TLE1: variants seen among roughly 807,000 people sequenced by gnomAD.
TLE1 encodes the protein transducin-like enhancer protein 1.
In TLE1, 21 loss-of-function variants were observed where a neutral mutation model predicts 89.8. That is an observed-to-expected ratio of 0.23 (90% CI 0.17 to 0.34). TLE1 has a LOEUF of 0.34. Among genes scored for constraint, TLE1 ranks in the 10% least tolerant of loss-of-function variants. The probability of loss-of-function intolerance (pLI) is 1.00; values close to 1 mark genes in which losing one functional copy is unlikely to be tolerated. For synonymous variants in TLE1, 447 were observed against 407.6 expected, an observed-to-expected ratio of 1.10 and a Z score of -1.16; for missense variants, 795 against 1,031.2, an observed-to-expected ratio of 0.77 and a Z score of 3.14.
chr9:81,587,369 T>C (rs1828655100), intron 17 of TLE1, among the ~76,000 whole-genome samples: 1 of 152,126 alleles, frequency 6.6e-6, no homozygotes, highest in Admixed American at 6.5e-5. Context: ...GTGCCACAGA[T>C]CAAACACTGC....
At chr9:81,586,443 T>G (rs1424539782) in intron 17 of TLE1, among the ~76,000 whole-genome samples, 1 of 152,178 alleles carries the variant, frequency 6.6e-6, no homozygotes, top group Non-Finnish European at 1.5e-5. Flanking sequence ...TAGGCAACTG[T>G]AGCATAACGG....
chr9:81,684,225 C>T (rs1397764867), intron 4 of TLE1, among the ~76,000 whole-genome samples: 1 of 150,454 alleles, frequency 6.6e-6, no homozygotes, highest in African/African-American at 2.4e-5. Context: ...AGATGTTAGC[C>T]ACAGATCTTC....
intron 16 of TLE1, among the ~76,000 whole-genome samples, 169 bp downstream of exon 16, chr9:81,590,636 C>G (rs541537229): frequency 6.6e-6 from 1 of 152,204 alleles, no homozygotes; most frequent in Non-Finnish European, 1.5e-5. Context: ...AGACTGTAAG[C>G]CCCCCAAAGG....
intron 6 of TLE1, among the ~76,000 whole-genome samples, chr9:81,637,770 G>A (rs1047764307): frequency 6.7e-6 from 1 of 150,320 alleles, no homozygotes; most frequent in African/African-American, 2.5e-5. Context: ...CCTCATATTC[G>A]ACTTCTTGTT....
chr9:81,664,669 C>A (rs1166468678), intron 4 of TLE1, among the ~76,000 whole-genome samples: 2 of 151,908 alleles, frequency 1.3e-5, no homozygotes, highest in Non-Finnish European at 2.9e-5. Context: ...TTGAAACCAG[C>A]CTGGGCAACA....
intron 4 of TLE1, among the ~76,000 whole-genome samples, chr9:81,661,218 A>G (rs1000343864): frequency 2.0e-4 from 30 of 147,492 alleles, no homozygotes; most frequent in African/African-American, 4.7e-4. Context: ...ATATATATAT[A>G]TATCTTTTTT....
chr9:81,628,055 C>A (rs1826115945), intron 8 of TLE1, among the ~76,000 whole-genome samples: 1 of 152,058 alleles, frequency 6.6e-6, no homozygotes, highest in Non-Finnish European at 1.5e-5. Flanking sequence ...TCTGACTGTA[C>A]AAAAATTAAA....
intron 7 of TLE1, chr9:81,633,896 C>T (rs1035403489): frequency 2.2e-5 from 12 of 536,480 alleles, no homozygotes; most frequent in African/African-American, 1.7e-4. Context: ...CTAACGAGAT[C>T]GAGAAATCTA....
intron 8 of TLE1, among the ~76,000 whole-genome samples, chr9:81,625,685 T>C (rs1825808195): frequency 6.6e-6 from 1 of 152,066 alleles, no homozygotes. Context: ...ATGTTAAGAT[T>C]GGGACTCTGT....
chr9:81,596,719 CACA>C (rs1294269931), intron 14 of TLE1, among the ~76,000 whole-genome samples: 2 of 152,142 alleles, frequency 1.3e-5, no homozygotes, highest in Non-Finnish European at 2.9e-5. Flanking sequence ...GAATTTCGAA[CACA>C]GGCAAAATTC....
Position 81,670,865 on chromosome 9 carries a change from A to G in TLE1, c.234+14811T>C, listed in dbSNP as rs144598606. Among the ~76,000 whole-genome samples, 5 of 152,218 alleles carry G rather than the reference A, an allele frequency of 3.3e-5. No homozygotes were observed. The East Asian group carries it at 9.7e-4, about 29-fold the overall frequency. ...TTCGGTAGGTAAGCCATACTTAATA[A>G]ATTAGTCAAGAAATAAGGATGGGCT... On this transcript the variant is annotated intron_variant, in intron 4 of 19. Transcript: ENST00000376499.
rs528578749 is a variant in TLE1, at chr9:81,688,376, C to T, written c.-136G>A. On this transcript the variant is annotated 5_prime_UTR_variant, in exon 1 of 20. Coordinates refer to ENST00000376499, the MANE Select transcript of TLE1 (RefSeq NM_005077.5). ...AGCGCGCTGGCCACGCACGCGCGCT[C>T]CGCCGGGCGCACCGGCCACTCGGCG... The T allele has an allele frequency of 9.8e-6, 10 of 1,018,672 alleles. No individual in the cohort carries two copies. The South Asian group carries it at 2.2e-4, about 22-fold the overall frequency. The allele number at this position is 1,018,672 out of a possible 1,614,324, so 63.1% of individuals were successfully genotyped here.
intron 6 of TLE1, among the ~76,000 whole-genome samples, chr9:81,637,978 T>C (rs967430316): frequency 5.9e-5 from 9 of 152,114 alleles, no homozygotes; most frequent in Non-Finnish European, 1.2e-4. Flanking sequence ...GGACAAGATT[T>C]CTCCTGTAAC....
chr9:81,682,943 A>G (rs1290625239), intron 4 of TLE1, among the ~76,000 whole-genome samples: 1 of 152,256 alleles, frequency 6.6e-6, no homozygotes, highest in Non-Finnish European at 1.5e-5. Flanking sequence ...GAGCAGAGAA[A>G]GTAAAGGCAA....
At chr9:81,613,914 T>A (rs1824053439) in intron 11 of TLE1, among the ~76,000 whole-genome samples, 1 of 147,008 alleles carries the variant, frequency 6.8e-6, no homozygotes, top group Non-Finnish European at 1.5e-5. Context: ...TTCTTTTTTT[T>A]TTTTTTTTTT....
intron 7 of TLE1, 108 bp from the exon 8 acceptor site, chr9:81,633,472 T>C: frequency 6.5e-7 from 1 of 1,540,222 alleles, no homozygotes; most frequent in Non-Finnish European, 8.9e-7. Flanking sequence ...CCCCAAACAG[T>C]TTTAAAAATG....
In TLE1 at chr9:81,685,732, A is replaced by T; in HGVS notation, c.190-12T>A. ...GACATTTCATAATACTGTAAAGAGA[A>T]AAAAGAATCAAGCATTTCATTAACT... On this transcript the variant is annotated splice_polypyrimidine_tract_variant and intron_variant, in intron 3 of 19. Coordinates refer to ENST00000376499, the MANE Select transcript of TLE1 (RefSeq NM_005077.5). 1.2e-6 allele frequency: 2 copies of T among 1,613,252 alleles called. No individual in the cohort carries two copies. The highest frequency in any genetic ancestry group is 1.7e-6 in the Non-Finnish European group (2 of 1,179,406).
Position 81,688,372 on chromosome 9 carries a change from C to T in TLE1, c.-132G>A. The T allele has an allele frequency of 9.4e-7, 1 of 1,067,332 alleles. No homozygotes were observed. Among genetic ancestry groups the T allele is most frequent in the Non-Finnish European group, 1.3e-6 (1 of 792,280 alleles). The allele number at this position is 1,067,332 out of a possible 1,614,324, so 66.1% of individuals were successfully genotyped here. On this transcript the variant is annotated 5_prime_UTR_variant, in exon 1 of 20. Transcript: ENST00000376499. ...GGGGAGCGCGCTGGCCACGCACGCG[C>T]GCTCCGCCGGGCGCACCGGCCACTC...
chr9:81,605,836 C>A (rs1831579715), intron 14 of TLE1, among the ~76,000 whole-genome samples: 2 of 150,840 alleles, frequency 1.3e-5, no homozygotes, highest in African/African-American at 4.9e-5. Context: ...AGTGAACAGG[C>A]AACCTACAGA....
Sources: gnomAD v4.1 joint callset for allele counts (sites outside exome capture counted in the v4.1 genomes callset) on GRCh38, gnomAD v4.1.1 for gene constraint, MANE v1.5 for transcripts, NCBI Gene and HGNC (gene_info 2026-07-23, HGNC 2026-07-21) for gene names.